MED13L: variants seen among roughly 807,000 people sequenced by gnomAD.
MED13L encodes the protein mediator of RNA polymerase II transcription subunit 13-like.
In MED13L, 7 loss-of-function variants were observed where a neutral mutation model predicts 220.9. The ratio of observed to expected loss-of-function variants is 0.03; its 90% confidence interval spans 0.02 to 0.06. MED13L has a LOEUF of 0.06. Among genes scored for constraint, MED13L ranks in the 10% least tolerant of loss-of-function variants. MED13L has a pLI of 1.00. For missense variants in MED13L, 1,965 were observed against 2,760.5 expected (o/e 0.71, Z 6.46); for synonymous variants, 1,011 against 1,015.2 (o/e 1.00, Z 0.08).
intron 2 of MED13L, among the ~76,000 whole-genome samples, chr12:116,124,123 C>CGAGAGTGAGAGAGAGAGAGAGAGAGA (rs1875339689): frequency 7.5e-6 from 1 of 133,516 alleles, no homozygotes; most frequent in Non-Finnish European, 1.7e-5. Flanking sequence ...GAGAGAAAGA[C>CGAGAGTGAGAGAGAGAGAGAGAGAGA]GAGAGAGAGA....
intron 1 of MED13L, among the ~76,000 whole-genome samples, chr12:116,240,601 C>T (rs964363273): frequency 1.3e-4 from 20 of 150,924 alleles, no homozygotes; most frequent in African/African-American, 4.4e-4. Context: ...GGCGCGATCT[C>T]GGCTCACAGC....
chr12:116,157,076 T>C (rs918490948), intron 2 of MED13L, among the ~76,000 whole-genome samples: 2 of 152,196 alleles, frequency 1.3e-5, no homozygotes, highest in Non-Finnish European at 1.5e-5. Context: ...GCAGTCAAGC[T>C]GTATCCTAAA....
At chr12:115,989,910 C>A (rs944547170) in intron 17 of MED13L, among the ~76,000 whole-genome samples, 3 of 152,194 alleles carry the variant, frequency 2.0e-5, no homozygotes, top group Non-Finnish European at 4.4e-5. Flanking sequence ...TAATCCATAC[C>A]CAGAATTATA....
At chr12:116,253,170 G>A (rs564150231) in intron 1 of MED13L, among the ~76,000 whole-genome samples, 7 of 145,770 alleles carry the variant, frequency 4.8e-5, no homozygotes, top group African/African-American at 1.8e-4. Context: ...GCTGAGGCAG[G>A]AGAATATCTT....
rs192491862 is a variant in MED13L, at chr12:116,079,692, C to T, written c.479+16977G>A. Among the ~76,000 whole-genome samples, 272 of 152,068 alleles carry T rather than the reference C, an allele frequency of 1.8e-3. 1 individual carries two copies. Among genetic ancestry groups the T allele is most frequent in the Middle Eastern group, 3.4e-3 (1 of 294 alleles). On this transcript the variant is annotated intron_variant, in intron 4 of 30. Transcript: ENST00000281928. ...TAGCTGGGACTACAAGCGTGTACCA[C>T]CACAGCTAATATTGGTATTCTTTTT...
chr12:116,113,558 G>A (rs915650903), intron 2 of MED13L, among the ~76,000 whole-genome samples: 1 of 150,440 alleles, frequency 6.6e-6, no homozygotes, highest in African/African-American at 2.4e-5. Context: ...TGGACGCTGA[G>A]GCGAGAGTAT....
At chr12:116,018,101 CTT>C (rs990991810) in intron 7 of MED13L, among the ~76,000 whole-genome samples, 1 of 152,016 alleles carries the variant, frequency 6.6e-6, no homozygotes, top group Non-Finnish European at 1.5e-5. Flanking sequence ...TTGTATATGA[CTT>C]TATTGTTTAC....
At chr12:116,267,470 T>A (rs1376918297) in intron 1 of MED13L, among the ~76,000 whole-genome samples, 1 of 152,230 alleles carries the variant, frequency 6.6e-6, no homozygotes, top group East Asian at 1.9e-4. Flanking sequence ...TGTAATTTAC[T>A]AAAGGTCTCT....
chr12:116,156,288 T>C (rs1256226081), intron 2 of MED13L, among the ~76,000 whole-genome samples: 1 of 151,666 alleles, frequency 6.6e-6, no homozygotes, highest in Non-Finnish European at 1.5e-5. Context: ...GAAGCATATA[T>C]TATACATAAG....
At chr12:116,131,999 C>T (rs1876109291) in intron 2 of MED13L, among the ~76,000 whole-genome samples, 1 of 151,572 alleles carries the variant, frequency 6.6e-6, no homozygotes, top group South Asian at 2.1e-4. Context: ...AAGAAAAACG[C>T]CAGGTGCGGT....
chr12:115,997,025 C>T lies in MED13L; in HGVS notation c.2775G>A (p.Lys925=). 1 of 1,613,868 alleles carries T rather than the reference C, an allele frequency of 6.2e-7. No homozygotes were observed. The highest frequency in any genetic ancestry group is 8.5e-7 in the Non-Finnish European group (1 of 1,179,760). ...TGACAACTACCTTAATTTCCTCGGG[C>T]TTGGGACTTCCTAATCCATCTTCCA... The part of the protein sequence containing the change: ...MEVEDGLGSP[K]PEEIKDFSYV... The change falls in exon 15 of 31, where the codon AAG becomes AAA. Residue 925 remains lysine (K), a synonymous_variant. Transcript: ENST00000281928.
chr12:116,225,902 A>G (rs1020030424), intron 2 of MED13L, among the ~76,000 whole-genome samples: 5 of 152,210 alleles, frequency 3.3e-5, no homozygotes, highest in Non-Finnish European at 7.3e-5. Flanking sequence ...CAAAAATAAA[A>G]GTAATTTTTA....
intron 4 of MED13L, among the ~76,000 whole-genome samples, chr12:116,029,648 A>C (rs1477028262): frequency 6.6e-6 from 1 of 152,210 alleles, no homozygotes; most frequent in Admixed American, 6.5e-5. Context: ...ACTTAAGTTC[A>C]TCAATAAATA....
At chr12:116,002,647 TAC>T (rs1286205661) in intron 14 of MED13L, among the ~76,000 whole-genome samples, 2 of 152,234 alleles carry the variant, frequency 1.3e-5, no homozygotes, top group East Asian at 1.9e-4. Flanking sequence ...AGAAACATTT[TAC>T]ACAGTCTTAT....
At chr12:116,083,627 C>T (rs1362960628) in intron 4 of MED13L, among the ~76,000 whole-genome samples, 1 of 152,108 alleles carries the variant, frequency 6.6e-6, no homozygotes, top group African/African-American at 2.4e-5. Flanking sequence ...AAATTCAGAT[C>T]CATCAGGAAA....
At chr12:116,187,501 G>A (rs1880973930) in intron 2 of MED13L, among the ~76,000 whole-genome samples, 1 of 152,100 alleles carries the variant, frequency 6.6e-6, no homozygotes, top group South Asian at 2.1e-4. Flanking sequence ...CCACAATGCT[G>A]GACACATATT....
At chr12:116,242,666 A>G (rs1870759962) in intron 1 of MED13L, among the ~76,000 whole-genome samples, 2 of 152,340 alleles carry the variant, frequency 1.3e-5, no homozygotes, top group Middle Eastern at 6.8e-3. Context: ...GTTTTCATAT[A>G]TTATTTCTAA....
At chr12:116,053,634 G>A (rs199891502) in intron 4 of MED13L, among the ~76,000 whole-genome samples, 156 of 152,262 alleles carry the variant, frequency 1.0e-3, no homozygotes, top group African/African-American at 3.6e-3. Flanking sequence ...GAAGCAGAAG[G>A]GAGGAAGGGG....
intron 4 of MED13L, among the ~76,000 whole-genome samples, chr12:116,057,189 A>C (rs1008952320): frequency 1.1e-4 from 17 of 152,186 alleles, no homozygotes; most frequent in African/African-American, 3.9e-4. Context: ...GAGTATTCCA[A>C]GTAGCTCGAA....
Sources: gnomAD v4.1 joint callset for allele counts (sites outside exome capture counted in the v4.1 genomes callset) on GRCh38, gnomAD v4.1.1 for gene constraint, MANE v1.5 for transcripts, NCBI Gene and HGNC (gene_info 2026-07-23, HGNC 2026-07-21) for gene names.